The following ZNF345 variants were observed in gnomAD, a reference collection of about 807,000 sequenced individuals.
The protein encoded by ZNF345 is zinc finger protein 345, also known as zinc finger protein HZF10.
For missense variants in ZNF345, 527 were observed against 589.9 expected (o/e 0.89, Z 1.10); for synonymous variants, 166 against 187.9 (o/e 0.88, Z 0.95).
At chr19:36,867,955 A>G (rs1334256136) in intron 2 of ZNF345, among the ~76,000 whole-genome samples, 2 of 148,428 alleles carry the variant, frequency 1.3e-5, no homozygotes, top group Non-Finnish European at 3.0e-5. Context: ...GCAGTTCCAT[A>G]TGGATTTTGG....
intron 2 of ZNF345, among the ~76,000 whole-genome samples, chr19:36,863,527 C>A (rs542164012): frequency 6.6e-6 from 1 of 152,314 alleles, no homozygotes; most frequent in South Asian, 2.1e-4. Context: ...ATTTCAGGTT[C>A]CTATTCTTTG....
chr19:36,858,899 A>C (rs4806366), intron 2 of ZNF345, among the ~76,000 whole-genome samples: 26,362 of 152,160 alleles, frequency 0.17, 2,506 homozygotes, highest in Non-Finnish European at 0.22. Context: ...AAGAAAAATC[A>C]AAGTCATGTA....
chr19:36,876,703 TAA>T (rs967669193), intron 2 of ZNF345, 80 bp from the exon 3 acceptor site: 2 of 905,984 alleles, frequency 2.2e-6, no homozygotes, highest in Middle Eastern at 3.5e-4. Context: ...AAATTGTAGT[TAA>T]GTCTTTCGTA....
rs370081401 is a variant in ZNF345, at chr19:36,869,764, C to CT, written c.-46-7006dup. Among the ~76,000 whole-genome samples, 438 of 139,608 alleles carry CT rather than the reference C, an allele frequency of 3.1e-3. 1 individual carries two copies. The highest frequency in any genetic ancestry group is 0.023 in the East Asian group (109 of 4,804). 91.6% of individuals were successfully genotyped at this position (139,608 alleles called of 152,430 possible). On this transcript the variant is annotated intron_variant, in intron 2 of 2. Coordinates refer to ENST00000420450, the MANE Select transcript of ZNF345 (RefSeq NM_001242472.2). ...GTTTCTTTTCTCTTGGATCATTTAG[C>CT]TTTTTTTTTTTTTTTGAGACTGAGT...
intron 2 of ZNF345, among the ~76,000 whole-genome samples, chr19:36,864,761 A>G (rs1352435581): frequency 1.3e-5 from 2 of 152,086 alleles, no homozygotes; most frequent in Non-Finnish European, 2.9e-5. Flanking sequence ...GAATGCCTCA[A>G]ATTTTGCACC....
intron 3 of ZNF345, chr19:36,890,286 GTA>G (rs2073037481): frequency 6.6e-6 from 1 of 152,238 alleles, no homozygotes; most frequent in African/African-American, 2.4e-5. Context: ...TCCATTTGGT[GTA>G]GAGTCCAATT....
chr19:36,874,488 C>T (rs969241918), intron 2 of ZNF345, among the ~76,000 whole-genome samples: 2 of 135,760 alleles, frequency 1.5e-5, no homozygotes, highest in Non-Finnish European at 3.0e-5. Flanking sequence ...GAGTGAAACT[C>T]CACTAAAAAA....
intron 2 of ZNF345, among the ~76,000 whole-genome samples, chr19:36,875,198 C>T (rs896067476): frequency 1.2e-4 from 18 of 151,578 alleles, no homozygotes; most frequent in African/African-American, 4.4e-4. Flanking sequence ...GGAATGGATA[C>T]GTAAATTACC....
intron 2 of ZNF345, among the ~76,000 whole-genome samples, chr19:36,863,341 C>A (rs1422645778): frequency 6.6e-6 from 1 of 152,146 alleles, no homozygotes; most frequent in Non-Finnish European, 1.5e-5. Flanking sequence ...AGAGAATGAG[C>A]ATGCCCTTTG....
At chr19:36,887,088 G>A (rs1210560725) in intron 3 of ZNF345, among the ~76,000 whole-genome samples, 1 of 151,740 alleles carries the variant, frequency 6.6e-6, no homozygotes, top group Admixed American at 6.6e-5. Flanking sequence ...ACTTGAACCC[G>A]GGATTCACTG....
At chr19:36,872,903 T>G (rs1471420989) in intron 2 of ZNF345, among the ~76,000 whole-genome samples, 2 of 152,224 alleles carry the variant, frequency 1.3e-5, no homozygotes, top group Admixed American at 6.5e-5. Flanking sequence ...CCTGAATCTT[T>G]TATCCTATTG....
intron 2 of ZNF345, among the ~76,000 whole-genome samples, chr19:36,868,828 G>A (rs1206779805): frequency 4.0e-5 from 6 of 151,030 alleles, no homozygotes; most frequent in Admixed American, 4.0e-4. Context: ...GTTTCACCAT[G>A]TTGGCCAAGC....
chr19:36,850,681 G>T (rs536436813), upstream of ZNF345: 4 of 152,228 alleles, frequency 2.6e-5, no homozygotes, highest in African/African-American at 4.8e-5. Flanking sequence ...CTCCCGGAAG[G>T]CTCCGATGGG....
At chr19:36,874,987 G>A (rs577611027) in intron 2 of ZNF345, among the ~76,000 whole-genome samples, 3,342 of 152,136 alleles carry the variant, frequency 0.022, 90 homozygotes, top group Admixed American at 0.071. Flanking sequence ...CTAGTTTTTA[G>A]ATGTTTATTT....
intron 3 of ZNF345, chr19:36,891,868 T>G (rs997915354): frequency 1.9e-5 from 31 of 1,613,784 alleles, no homozygotes; most frequent in Non-Finnish European, 2.5e-5. Flanking sequence ...AAGCCTTGAG[T>G]GTTGAGTAAA....
intron 2 of ZNF345, among the ~76,000 whole-genome samples, chr19:36,870,713 G>A (rs967084539): frequency 6.6e-6 from 1 of 151,954 alleles, no homozygotes; most frequent in African/African-American, 2.4e-5. Flanking sequence ...CCTGGTCTTT[G>A]GTTTATACCC....
chr19:36,852,097 A>C (rs1033310722), intron 2 of ZNF345, among the ~76,000 whole-genome samples, 193 bp downstream of exon 2: 1 of 103,754 alleles, frequency 9.6e-6, no homozygotes, highest in African/African-American at 3.6e-5. Flanking sequence ...GATGGTTTTA[A>C]TTTTTCTTTT....
intron 2 of ZNF345, among the ~76,000 whole-genome samples, chr19:36,861,872 T>TTTTTC (rs1447469696): frequency 2.0e-5 from 3 of 150,716 alleles, no homozygotes; most frequent in Admixed American, 1.3e-4. Context: ...TTTTTTTTTT[T>TTTTTC]TTTTCTTGAG....
downstream of ZNF345, among the ~76,000 whole-genome samples, chr19:36,882,071 C>A (rs2072971825): frequency 6.7e-6 from 1 of 149,838 alleles, no homozygotes; most frequent in South Asian, 2.1e-4. Flanking sequence ...TAAAAAAAAC[C>A]TTATCTGGGT....
Sources: gnomAD v4.1 joint callset for allele counts (sites outside exome capture counted in the v4.1 genomes callset) on GRCh38, gnomAD v4.1.1 for gene constraint, MANE v1.5 for transcripts, NCBI Gene and HGNC (gene_info 2026-07-23, HGNC 2026-07-21) for gene names.